NECAB2: variants seen among roughly 807,000 people sequenced by gnomAD.
The protein encoded by NECAB2 is N-terminal EF-hand calcium binding protein 2, also known as N-terminal EF-hand calcium-binding protein 2.
Under a neutral mutation model 51.9 loss-of-function variants are expected in NECAB2, and 68 were observed. The observed-to-expected ratio is 1.31, with a 90% CI of 1.08 to 1.60. NECAB2 has a LOEUF of 1.60. NECAB2 is among the 40% of genes most tolerant of loss of function. The pLI is 0.00. For synonymous variants in NECAB2, 329 were observed against 203.5 expected, an observed-to-expected ratio of 1.62 and a Z score of -5.25; for missense variants, 854 against 490.3, an observed-to-expected ratio of 1.74 and a Z score of -7.00.
chr16:83,991,526 C>G (rs1351689181), intron 6 of NECAB2, among the ~76,000 whole-genome samples: 1 of 151,112 alleles, frequency 6.6e-6, no homozygotes. Context: ...ACCAGCACAC[C>G]CAGCTAATTT....
rs185234455 is a variant in NECAB2, at chr16:83,995,218, G to A, written c.795+530G>A. 2.0e-4 allele frequency among the ~76,000 whole-genome samples: 30 copies of A among 152,298 alleles called. No individual in the cohort carries two copies. The East Asian group carries it at 4.1e-3, about 21-fold the overall frequency. ...ATTTTCAGATAATGTTTCGTGACTC[G>A]GGATAGAGTGCTCACAATATGACCA... On this transcript the variant is annotated intron_variant, in intron 8 of 12. Transcript: ENST00000305202.
At chr16:83,965,431 C>T (rs200170042), upstream of NECAB2, 41 of 1,590,338 alleles carry the variant, frequency 2.6e-5, no homozygotes, top group Non-Finnish European at 3.2e-5. Context: ...CGGCCTCAGA[C>T]CCTGTCCTCA....
At chr16:83,983,789 G>T (rs2084517716) in intron 5 of NECAB2, among the ~76,000 whole-genome samples, 1 of 152,180 alleles carries the variant, frequency 6.6e-6, no homozygotes, top group Non-Finnish European at 1.5e-5. Flanking sequence ...GAATGATTTT[G>T]TGAAGTGGTT....
chr16:83,998,291 G>C lies in NECAB2; in HGVS notation c.936G>C (p.Gly312=), dbSNP rs762356810. The C allele has an allele frequency of 6.2e-6, 10 of 1,613,504 alleles. 1 individual carries two copies. Among genetic ancestry groups the C allele is most frequent in the African/African-American group, 4.0e-5 (3 of 75,034 alleles). Residue 312 remains glycine (G), a synonymous_variant, in exon 10 of 13, where the codon GGG becomes GGC. Coordinates refer to ENST00000305202, the MANE Select transcript of NECAB2 (RefSeq NM_019065.3). ...ACTCTCTGCGCCAGTATCTGCGGGG[G>C]ACCACTGGCGTGAGGAACTGCTTCC... is the stretch of plus-strand genomic sequence containing the variant. ...FLDSLRQYLR[G]TTGVRNCFHI... is the part of the protein sequence containing the mutation.
Position 83,997,543 on chromosome 16 carries a change from A to AGTG in NECAB2, c.849+279_849+281dup, listed in dbSNP as rs200480829. ...TGCTGTATCTCCCAGGCTGGAGTGCAGTGGTGGGATGTCGGCTTACTGCAA... is the reference window on the plus strand; with the variant it reads ...TGCTGTATCTCCCAGGCTGGAGTGCAGTGGTGGTGGGATGTCGGCTTACTGCAA... On this transcript the variant is annotated intron_variant, in intron 9 of 12. Coordinates refer to ENST00000305202, the MANE Select transcript of NECAB2 (RefSeq NM_019065.3). 1.5e-4 allele frequency among the ~76,000 whole-genome samples: 19 copies of AGTG among 122,718 alleles called. No homozygotes were observed. In the East Asian group the frequency reaches 4.4e-3, roughly 28 times the overall value. 80.5% of individuals were successfully genotyped at this position (122,718 alleles called of 152,430 possible). A position where few individuals can be genotyped will look rare whatever the true frequency, so the allele number is the denominator to read the frequency against.
chr16:84,001,425 G>T (rs114896700), intron 11 of NECAB2, among the ~76,000 whole-genome samples: 2 of 152,108 alleles, frequency 1.3e-5, no homozygotes, highest in African/African-American at 2.4e-5. Flanking sequence ...GAACAGGGGC[G>T]GTCATGAGAA....
upstream of NECAB2, chr16:83,965,799 G>T (rs778942654): frequency 6.2e-7 from 1 of 1,612,980 alleles, no homozygotes; most frequent in African/African-American, 1.3e-5. Context: ...CCTGGGGCAG[G>T]GGCTGACTTT....
chr16:83,990,362 C>G (rs8063020), intron 5 of NECAB2, 132 bp from the exon 6 acceptor site: 1 of 1,160,380 alleles, frequency 8.6e-7, no homozygotes, highest in Non-Finnish European at 1.2e-6. Flanking sequence ...CCCCAGGAGG[C>G]CGTGGGGTCC....
chr16:84,000,977 T>C (rs927799352), intron 11 of NECAB2, among the ~76,000 whole-genome samples, 176 bp downstream of exon 11: 6 of 129,518 alleles, frequency 4.6e-5, no homozygotes, highest in Non-Finnish European at 7.5e-5. Flanking sequence ...GCAGGAGCTC[T>C]TGGTGGGTAG....
chr16:83,998,743 G>A (rs1448943346), intron 10 of NECAB2, among the ~76,000 whole-genome samples: 1 of 152,220 alleles, frequency 6.6e-6, no homozygotes, highest in African/African-American at 2.4e-5. Context: ...GTTAACCACT[G>A]AGGAAGGAGA....
chr16:83,967,456 G>A (rs2084294404), upstream of NECAB2, among the ~76,000 whole-genome samples: 6 of 101,546 alleles, frequency 5.9e-5, no homozygotes, highest in East Asian at 3.4e-4. Flanking sequence ...GTGGGTGGAT[G>A]GATGGATGGA....
chr16:84,002,464 AG>A lies in NECAB2; in HGVS notation c.*119del. 1 of 1,334,162 alleles carries A rather than the reference AG, an allele frequency of 7.5e-7. No homozygotes were observed. Among genetic ancestry groups the A allele is most frequent in the South Asian group, 1.2e-5 (1 of 84,960 alleles). 82.6% of individuals were successfully genotyped at this position (1,334,162 alleles called of 1,614,324 possible). A position where few individuals can be genotyped will look rare whatever the true frequency, so the allele number is the denominator to read the frequency against. On this transcript the variant is annotated 3_prime_UTR_variant, in exon 13 of 13. Transcript: ENST00000305202. ...GCTTCTTTTCAATCCATCCTCCACA[AG>A]AAGGTGTTTCCCTGTTGTTAAGTGA...
chr16:83,970,536 G>A (rs2084336564), intron 1 of NECAB2, among the ~76,000 whole-genome samples: 1 of 152,150 alleles, frequency 6.6e-6, no homozygotes, highest in Non-Finnish European at 1.5e-5. Context: ...ATGACCAAGG[G>A]TGCCCCCTTT....
Position 83,998,395 on chromosome 16 carries a change from GC to G in NECAB2, c.962+79del, listed in dbSNP as rs149921786. The G allele has an allele frequency of 1.0e-3, 1,404 of 1,408,796 alleles. 13 individuals are homozygous for G. In the African/African-American group the frequency reaches 0.017, roughly 17 times the overall value. 87.3% of individuals were successfully genotyped at this position (1,408,796 alleles called of 1,614,324 possible). ...CAGTGGAGGAACAGGGCAGGACTAG[GC>G]TTTGCCCTAAGTAGTACAAGTTGCA... On this transcript the variant is annotated intron_variant, in intron 10 of 12. Transcript: ENST00000305202.
intron 5 of NECAB2, among the ~76,000 whole-genome samples, chr16:83,986,509 G>C (rs1227471528): frequency 6.6e-6 from 1 of 152,186 alleles, no homozygotes. Flanking sequence ...CAAACTTCCT[G>C]TGCATTTCTG....
upstream of NECAB2, chr16:83,965,771 C>T: frequency 6.2e-7 from 1 of 1,613,206 alleles, no homozygotes; most frequent in Non-Finnish European, 8.5e-7. Flanking sequence ...CGGCTCCCAC[C>T]CCGACCTCTC....
In NECAB2 at chr16:83,968,677, G is replaced by A; in HGVS notation, c.29G>A (p.Arg10Lys). The change falls in exon 1 of 13, where the codon AGG (arginine) becomes AAG (lysine). Residue 10 changes from arginine (R) to lysine (K), a missense_variant. Transcript: ENST00000305202. Reference sequence around the variant, plus strand: ...TGCGAGCGGGCGGCGCGCCTGTGCAGGGCCGGCGCGCACAGGCTGCTCCGG... The same window carrying A: ...TGCGAGCGGGCGGCGCGCCTGTGCAAGGCCGGCGCGCACAGGCTGCTCCGG... Reference protein sequence around the residue: MCERAARLCRAGAHRLLREP... With the variant: MCERAARLCKAGAHRLLREP... The A allele has an allele frequency of 1.0e-6, 1 of 987,376 alleles. No individual in the cohort carries two copies. Among genetic ancestry groups the A allele is most frequent in the Non-Finnish European group, 1.2e-6 (1 of 832,834 alleles). 61.2% of individuals were successfully genotyped at this position (987,376 alleles called of 1,614,324 possible). A position where few individuals can be genotyped will look rare whatever the true frequency, so the allele number is the denominator to read the frequency against.
intron 5 of NECAB2, among the ~76,000 whole-genome samples, chr16:83,985,079 G>A (rs545008042): frequency 1.1e-3 from 173 of 152,146 alleles, no homozygotes; most frequent in African/African-American, 3.9e-3. Context: ...TTGGGAGGCC[G>A]GGGCGGGCAG....
rs578012334 is a variant in NECAB2 at position 83,970,995 on chromosome 16, G to A, written c.202-1156G>A. Among the ~76,000 whole-genome samples, 13 of 152,196 alleles carry A rather than the reference G, an allele frequency of 8.5e-5. No individual in the cohort carries two copies. The East Asian group carries it at 2.3e-3, about 27-fold the overall frequency. The stretch of plus-strand genomic sequence containing the variant: ...TGTAGTCCCAGCTACTCGGAAGGCT[G>A]ATACAGGAGAATTGCTTGAACCCGG... On this transcript the variant is annotated intron_variant, in intron 1 of 12. Coordinates refer to ENST00000305202, the MANE Select transcript of NECAB2 (RefSeq NM_019065.3).
Sources: gnomAD v4.1 joint callset for allele counts (sites outside exome capture counted in the v4.1 genomes callset) on GRCh38, gnomAD v4.1.1 for gene constraint, MANE v1.5 for transcripts, NCBI Gene and HGNC (gene_info 2026-07-23, HGNC 2026-07-21) for gene names.